Variants in CSMD3 observed in about 807,000 individuals in gnomAD.
The protein encoded by CSMD3 is CUB and Sushi multiple domains 3.
CSMD3 carries 177 observed loss-of-function variants against 435.2 expected under a neutral mutation model. The ratio of observed to expected loss-of-function variants is 0.41; its 90% confidence interval spans 0.36 to 0.46. The LOEUF is 0.46. CSMD3 is among the 20% of genes least tolerant of loss of function. The pLI is 0.34. For missense variants in CSMD3, 4,265 were observed against 4,504.6 expected, an observed-to-expected ratio of 0.95 and a Z score of 1.52; for synonymous variants, 1,656 against 1,520.5, an observed-to-expected ratio of 1.09 and a Z score of -2.07.
At chr8:113,177,321 T>A (rs1054933674) in intron 3 of CSMD3, among the ~76,000 whole-genome samples, 1 of 150,480 alleles carries the variant, frequency 6.6e-6, no homozygotes, top group African/African-American at 2.4e-5. Flanking sequence ...TAATGAAGAA[T>A]TTTTTTGTAA....
intron 36 of CSMD3, among the ~76,000 whole-genome samples, chr8:112,387,080 T>C (rs2129652249): frequency 6.6e-6 from 1 of 152,318 alleles, no homozygotes; most frequent in Admixed American, 6.5e-5. Flanking sequence ...TCACTGCTAA[T>C]TTTGAATGTA....
Position 112,996,089 on chromosome 8 carries a change from T to C in CSMD3, c.1031-19941A>G, listed in dbSNP as rs1380946989. On this transcript the variant is annotated intron_variant, in intron 6 of 70. Coordinates refer to ENST00000297405, the MANE Select transcript of CSMD3 (RefSeq NM_198123.2). Reference sequence around the variant, plus strand: ...GCTAATTAATATATGAATTATGTCATATACTTGTCATTTTATGTGGTGAGA... The same window carrying C: ...GCTAATTAATATATGAATTATGTCACATACTTGTCATTTTATGTGGTGAGA... 3.3e-5 allele frequency among the ~76,000 whole-genome samples: 5 copies of C among 151,558 alleles called. No homozygotes were observed. In the Admixed American group the frequency reaches 3.3e-4, roughly 10 times the overall value.
intron 22 of CSMD3, among the ~76,000 whole-genome samples, chr8:112,628,952 G>C (rs1175038735): frequency 6.6e-6 from 1 of 151,384 alleles, no homozygotes; most frequent in Non-Finnish European, 1.5e-5. Flanking sequence ...AAGATTTTAA[G>C]TAAGAGAGTA....
At chr8:112,374,250 C>T (rs574423094) in intron 38 of CSMD3, among the ~76,000 whole-genome samples, 19 of 152,132 alleles carry the variant, frequency 1.2e-4, no homozygotes, top group Non-Finnish European at 1.6e-4. Context: ...TATCCTTTGG[C>T]ACAGATCTCC....
At chr8:113,353,934 C>T (rs1312769910) in intron 1 of CSMD3, among the ~76,000 whole-genome samples, 4 of 152,102 alleles carry the variant, frequency 2.6e-5, no homozygotes, top group Non-Finnish European at 5.9e-5. Context: ...CTTTTTAAAG[C>T]TCTCCACTGA....
intron 5 of CSMD3, among the ~76,000 whole-genome samples, chr8:113,064,137 G>A (rs2088743474): frequency 6.6e-6 from 1 of 151,420 alleles, no homozygotes; most frequent in Admixed American, 6.6e-5. Context: ...ATTTATTATA[G>A]TTACAATGAC....
intron 54 of CSMD3, among the ~76,000 whole-genome samples, chr8:112,294,445 G>A (rs1820068176): frequency 6.6e-6 from 1 of 151,988 alleles, no homozygotes; most frequent in East Asian, 1.9e-4. Context: ...ATCTGGAGAT[G>A]GATATTATTA....
intron 17 of CSMD3, among the ~76,000 whole-genome samples, chr8:112,659,274 T>C (rs2075325121): frequency 6.6e-6 from 1 of 152,204 alleles, no homozygotes; most frequent in African/African-American, 2.4e-5. Flanking sequence ...GGTTACACAA[T>C]AAATTGAATT....
rs755269093 is a variant in CSMD3 at position 112,638,826 on chromosome 8, T to C, written c.3396A>G (p.Pro1132=). Residue 1132 remains proline, a synonymous_variant, in exon 21 of 71, where the codon CCA becomes CCG. Transcript: ENST00000297405. ...GATCTGAACCAGTCAGGCGTGCCAG[T>C]GGTTGGGTAAAACTGCCATTCTCTG... is the stretch of plus-strand genomic sequence containing the variant. ...LITENGSFTQ[P]LARLTGSDLP... is the part of the protein sequence containing the mutation. The C allele has an allele frequency of 8.7e-6, 14 of 1,612,914 alleles. No individual in the cohort carries two copies. Among genetic ancestry groups the C allele is most frequent in the Admixed American group, 6.7e-5 (4 of 59,882 alleles).
chr8:113,058,067 T>G (rs1312861015), intron 5 of CSMD3, among the ~76,000 whole-genome samples: 4 of 151,898 alleles, frequency 2.6e-5, no homozygotes, highest in Non-Finnish European at 5.9e-5. Context: ...CTGAATATGC[T>G]GTTCTTCATA....
intron 13 of CSMD3, among the ~76,000 whole-genome samples, chr8:112,746,163 A>T (rs2077420865): frequency 6.6e-6 from 1 of 152,200 alleles, no homozygotes; most frequent in Non-Finnish European, 1.5e-5. Flanking sequence ...TAAATAAGAG[A>T]ACAATCTCCT....
At position 112,390,762 on chromosome 8, in the gene CSMD3, G is replaced by T. The variant is rs377290204; in HGVS notation, c.5836C>A (p.Arg1946Ser). The T allele has an allele frequency of 1.2e-6, 2 of 1,613,246 alleles. No homozygotes were observed. The highest frequency in any genetic ancestry group is 8.5e-7 in the Non-Finnish European group (1 of 1,179,270). Residue 1946 changes from arginine to serine, a missense_variant, in exon 36 of 71, where the codon CGC becomes AGC. Transcript: ENST00000297405. The part of the protein sequence containing the change: ...IVPCGGILTK[R>S]KGTILSPGYP... ...CCAGGTGACAAAATAGTCCCTTTGC[G>T]CTTAGTTAAAATTCCACCACAGGGC...
At chr8:112,430,533 G>T (rs74650604) in intron 32 of CSMD3, among the ~76,000 whole-genome samples, 23 of 151,694 alleles carry the variant, frequency 1.5e-4, no homozygotes, top group Admixed American at 1.3e-3. Flanking sequence ...GGAAGAAACT[G>T]CTTTTTCAGT....
chr8:113,352,688 C>T (rs1162778908), intron 1 of CSMD3, among the ~76,000 whole-genome samples: 2 of 151,944 alleles, frequency 1.3e-5, no homozygotes, highest in Non-Finnish European at 2.9e-5. Flanking sequence ...CACACTGGAA[C>T]AGACAAGACA....
At chr8:112,502,303 C>G (rs911432802) in intron 30 of CSMD3, among the ~76,000 whole-genome samples, 2 of 152,190 alleles carry the variant, frequency 1.3e-5, no homozygotes, top group Non-Finnish European at 2.9e-5. Flanking sequence ...ACAGCCAACA[C>G]CCCAAACCTC....
chr8:113,405,219 T>C (rs996845003), intron 1 of CSMD3, among the ~76,000 whole-genome samples: 4 of 151,634 alleles, frequency 2.6e-5, no homozygotes, highest in Non-Finnish European at 4.4e-5. Context: ...GGCTAAATTA[T>C]ATGCTTCTGA....
At chr8:112,614,975 T>G (rs745385186) in intron 22 of CSMD3, among the ~76,000 whole-genome samples, 2 of 149,936 alleles carry the variant, frequency 1.3e-5, no homozygotes, top group Non-Finnish European at 3.0e-5. Context: ...ACTTATCCAT[T>G]AGATATTGAG....
Position 112,352,295 on chromosome 8 carries a change from T to A in CSMD3, c.6255+121A>T, listed in dbSNP as rs1826199355. On this transcript the variant is annotated intron_variant, in intron 39 of 70. Coordinates refer to ENST00000297405, the MANE Select transcript of CSMD3 (RefSeq NM_198123.2). The stretch of plus-strand genomic sequence containing the variant: ...TATTTTATTATCAAATTGAGCACCC[T>A]TTTGACCTCAGACACAAACCAGGAT... The A allele has an allele frequency of 2.0e-6, 3 of 1,475,652 alleles. No individual in the cohort carries two copies. The African/African-American group carries it at 4.2e-5, about 20-fold the overall frequency. The allele number at this position is 1,475,652 out of a possible 1,614,324, so 91.4% of individuals were successfully genotyped here.
intron 27 of CSMD3, among the ~76,000 whole-genome samples, chr8:112,523,163 A>G (rs899793774): frequency 3.9e-5 from 6 of 151,942 alleles, no homozygotes; most frequent in African/African-American, 1.4e-4. Flanking sequence ...TGGATCTCAT[A>G]CAGTTGGATG....
Sources: gnomAD v4.1 joint callset for allele counts (sites outside exome capture counted in the v4.1 genomes callset) on GRCh38, gnomAD v4.1.1 for gene constraint, MANE v1.5 for transcripts, NCBI Gene and HGNC (gene_info 2026-07-23, HGNC 2026-07-21) for gene names.